The following IDO2 variants were observed in gnomAD, a reference collection of about 807,000 sequenced individuals.
IDO2 encodes the protein indoleamine 2,3-dioxygenase-like 1 protein.
Under a neutral mutation model 45.1 loss-of-function variants are expected in IDO2, and 46 were observed. That is an observed-to-expected ratio of 1.02 (90% CI 0.80 to 1.30). The LOEUF (loss-of-function observed/expected upper bound fraction) is 1.30. Ranked by LOEUF, IDO2 falls within the 50% of genes most tolerant of loss-of-function variation. The pLI is 0.00. For missense variants in IDO2, 544 were observed against 491.8 expected (o/e 1.11, Z -1.00); for synonymous variants, 218 against 184.9 (o/e 1.18, Z -1.45).
chr8:39,991,520 TCTAA>T (rs1801929761), intron 8 of IDO2, among the ~76,000 whole-genome samples: 1 of 151,714 alleles, frequency 6.6e-6, no homozygotes, highest in Non-Finnish European at 1.5e-5. Flanking sequence ...GCATGCAGTG[TCTAA>T]CTGTCACAGG....
chr8:39,974,258 C>T (rs1808226020), intron 3 of IDO2, among the ~76,000 whole-genome samples: 1 of 152,116 alleles, frequency 6.6e-6, no homozygotes, highest in South Asian at 2.1e-4. Flanking sequence ...GTATGGAATA[C>T]ATACTAAACA....
intron 8 of IDO2, chr8:39,995,288 C>CTTCTT (rs1802024543): frequency 8.3e-6 from 1 of 120,590 alleles, no homozygotes; most frequent in Non-Finnish European, 1.6e-5. Context: ...TCTTCTTCTT[C>CTTCTT]TTTTTTTTTT....
intron 4 of IDO2, among the ~76,000 whole-genome samples, chr8:39,981,175 T>A (rs1808345008): frequency 6.6e-6 from 1 of 151,690 alleles, no homozygotes; most frequent in African/African-American, 2.4e-5. Flanking sequence ...CAGTCTCCTA[T>A]CTCAGCCTCC....
chr8:39,984,122 A>G (rs970473652), intron 5 of IDO2, among the ~76,000 whole-genome samples: 8 of 152,220 alleles, frequency 5.3e-5, no homozygotes, highest in African/African-American at 1.9e-4. Context: ...TTACTCAAAG[A>G]GAAAGACAGA....
chr8:40,006,895 A>T (rs921505819), intron 9 of IDO2, among the ~76,000 whole-genome samples: 37 of 152,204 alleles, frequency 2.4e-4, no homozygotes, highest in African/African-American at 7.7e-4. Flanking sequence ...TCCTGACCTC[A>T]GGTGATCTGC....
In IDO2 at chr8:40,014,044, G is replaced by A. The variant is rs554069148; in HGVS notation, c.868+331G>A. Among the ~76,000 whole-genome samples the A allele has an allele frequency of 2.0e-5, 3 of 152,228 alleles. No homozygotes were observed. The East Asian group carries it at 5.8e-4, about 29-fold the overall frequency. On this transcript the variant is annotated intron_variant, in intron 10 of 10. Coordinates refer to ENST00000502986, the Ensembl canonical transcript of IDO2. ...GAGATGTGGAGTTTGAAGGCTATGA[G>A]TCTGGGCCAGCTGGAAACAGGTCTG...
intron 3 of IDO2, among the ~76,000 whole-genome samples, chr8:39,978,545 C>T (rs1052607294): frequency 2.7e-5 from 4 of 149,474 alleles, no homozygotes; most frequent in South Asian, 4.2e-4. Flanking sequence ...GCATGGAGGG[C>T]GGGGGTGGAG....
At chr8:40,008,116 G>T (rs569413135) in intron 9 of IDO2, among the ~76,000 whole-genome samples, 264 of 148,696 alleles carry the variant, frequency 1.8e-3, no homozygotes, top group Non-Finnish European at 3.1e-3. Context: ...GCACGATCTC[G>T]GCTCACCACA....
chr8:39,949,922 T>G (rs1457463987), intron 2 of IDO2, among the ~76,000 whole-genome samples: 1 of 152,196 alleles, frequency 6.6e-6, no homozygotes, highest in Non-Finnish European at 1.5e-5. Flanking sequence ...CAATACCTCT[T>G]TCTTAATTCT....
intron 4 of IDO2, among the ~76,000 whole-genome samples, chr8:39,980,684 A>T (rs1415733564): frequency 1.3e-5 from 2 of 152,054 alleles, no homozygotes; most frequent in East Asian, 1.9e-4. Flanking sequence ...AACACAGGAG[A>T]CTCAGGGAAG....
At chr8:39,985,321 G>T (rs1322679482) in intron 5 of IDO2, 187 bp from the exon 6 acceptor site, 1 of 611,848 alleles carries the variant, frequency 1.6e-6, no homozygotes, top group Non-Finnish European at 2.9e-6. Context: ...GCACCCCATA[G>T]TCCAGCCACA....
intron 8 of IDO2, among the ~76,000 whole-genome samples, chr8:40,000,382 T>C (rs10107570): frequency 0.55 from 82,693 of 151,360 alleles, 23,008 homozygotes; most frequent in Middle Eastern, 0.65. Context: ...TGCACTCCAG[T>C]GTGGCAACAG....
intron 3 of IDO2, among the ~76,000 whole-genome samples, chr8:39,976,565 A>C (rs781319579): frequency 6.6e-6 from 1 of 152,232 alleles, no homozygotes; most frequent in African/African-American, 2.4e-5. Context: ...TCTAATAAAT[A>C]GGAAGTTATA....
In IDO2 at chr8:39,951,314, C is replaced by T. The variant is rs192562896; in HGVS notation, c.99+2050C>T. ...TTTCTGAGATAGAATCTCTTTCTAT[C>T]GCCCAGGCTGGAGTGCAGTGGCACT... On this transcript the variant is annotated intron_variant, in intron 2 of 10. Coordinates refer to ENST00000502986, the Ensembl canonical transcript of IDO2. 2.6e-3 allele frequency among the ~76,000 whole-genome samples: 355 copies of T among 134,626 alleles called. 3 individuals carry two copies. The highest frequency in any genetic ancestry group is 9.1e-3 in the African/African-American group (337 of 36,948). 88.3% of individuals were successfully genotyped at this position (134,626 alleles called of 152,430 possible).
intron 5 of IDO2, among the ~76,000 whole-genome samples, chr8:39,984,480 CAAACA>C (rs546896514): frequency 3.3e-5 from 5 of 152,064 alleles, no homozygotes; most frequent in Admixed American, 6.6e-5. Flanking sequence ...ATCTCAAAAA[CAAACA>C]AAACAAAACA....
chr8:39,959,787 G>A (rs1009594237), intron 2 of IDO2, among the ~76,000 whole-genome samples: 4 of 152,162 alleles, frequency 2.6e-5, no homozygotes, highest in Non-Finnish European at 4.4e-5. Flanking sequence ...ATTCCAGCCT[G>A]AGCAATAGGG....
chr8:39,968,947 C>T (rs6996031), intron 3 of IDO2, among the ~76,000 whole-genome samples: 9,226 of 150,902 alleles, frequency 0.061, 620 homozygotes, highest in East Asian at 0.31. Context: ...TATATAACTT[C>T]GATGAAGAGA....
intron 1 of IDO2, among the ~76,000 whole-genome samples, chr8:39,942,064 G>A (rs902930741): frequency 1.1e-4 from 17 of 152,184 alleles, no homozygotes; most frequent in African/African-American, 3.9e-4. Flanking sequence ...TTGCACTCCA[G>A]CCTGGCTGAG....
intron 8 of IDO2, among the ~76,000 whole-genome samples, chr8:40,001,132 T>A (rs982073866): frequency 1.3e-5 from 2 of 152,106 alleles, no homozygotes; most frequent in Non-Finnish European, 2.9e-5. Context: ...TGTGGCCAGC[T>A]GATTTCCCTG....
Sources: allele counts gnomAD v4.1 joint callset (sites outside exome capture counted in the v4.1 genomes callset), GRCh38; gene constraint gnomAD v4.1.1; transcripts MANE v1.5; gene names NCBI Gene and HGNC (gene_info 2026-07-23, HGNC 2026-07-21).